Variants in CUX2 observed in about 807,000 individuals in gnomAD.
CUX2 encodes homeobox protein cut-like 2.
In CUX2, 40 loss-of-function variants were observed where a neutral mutation model predicts 144.8. That is an observed-to-expected ratio of 0.28 (90% CI 0.21 to 0.36). CUX2 has a LOEUF of 0.36. Ranked by LOEUF, CUX2 falls within the 10% of genes least tolerant of loss-of-function variation. The pLI is 1.00. For missense variants in CUX2, 1,615 were observed against 1,994.0 expected (o/e 0.81, Z 3.62); for synonymous variants, 827 against 875.6 (o/e 0.94, Z 0.98).
At chr12:111,074,502 G>T (rs1039975713) in intron 1 of CUX2, among the ~76,000 whole-genome samples, 1 of 152,040 alleles carries the variant, frequency 6.6e-6, no homozygotes, top group African/African-American at 2.4e-5. Flanking sequence ...AGTGAAGATA[G>T]AGGCTTGTCT....
chr12:111,178,597 G>T lies in CUX2; in HGVS notation c.64-35603G>T, dbSNP rs917435855. 6.6e-6 allele frequency among the ~76,000 whole-genome samples: 1 copy of T among 152,196 alleles called. No individual in the cohort carries two copies. Among genetic ancestry groups the T allele is most frequent in the Non-Finnish European group, 1.5e-5 (1 of 68,038 alleles). On this transcript the variant is annotated intron_variant, in intron 1 of 21. Transcript: ENST00000261726. The surrounding 1 kb of genome is among the most constrained non-coding windows in gnomAD (Gnocchi z 5.7). ...ATGGTCACGGGTGGGACACTGGGAGGGAGGGCAGGGGTCCCCACTTTGATC... is the reference window on the plus strand; with the variant it reads ...ATGGTCACGGGTGGGACACTGGGAGTGAGGGCAGGGGTCCCCACTTTGATC...
intron 1 of CUX2, among the ~76,000 whole-genome samples, chr12:111,075,258 A>G (rs1197721111): frequency 6.6e-6 from 1 of 152,232 alleles, no homozygotes; most frequent in African/African-American, 2.4e-5. Context: ...GCGCAGAGCC[A>G]CCGCAAAATT....
At chr12:111,265,165 G>A (rs1884317402) in intron 4 of CUX2, among the ~76,000 whole-genome samples, 1 of 152,062 alleles carries the variant, frequency 6.6e-6, no homozygotes, top group Non-Finnish European at 1.5e-5. Context: ...GGGGCCAAGA[G>A]TTCCTGGGAG....
At chr12:111,132,613 C>G (rs1416379654) in intron 1 of CUX2, among the ~76,000 whole-genome samples, 2 of 127,612 alleles carry the variant, frequency 1.6e-5, no homozygotes, top group Non-Finnish European at 3.1e-5. Context: ...GTCACCCAGG[C>G]TGGAGTGCAA....
At chr12:111,185,502 C>T (rs944750409) in intron 1 of CUX2, among the ~76,000 whole-genome samples, 1 of 152,216 alleles carries the variant, frequency 6.6e-6, no homozygotes, top group African/African-American at 2.4e-5. Flanking sequence ...AGCCAGCCTG[C>T]GCTTCACCCA....
chr12:111,305,509 A>G (rs564709278), intron 10 of CUX2, among the ~76,000 whole-genome samples: 1 of 152,222 alleles, frequency 6.6e-6, no homozygotes, highest in Admixed American at 6.5e-5. Context: ...CATCTGTACA[A>G]TTAACATCTA....
intron 15 of CUX2, 132 bp from the exon 16 acceptor site, chr12:111,311,968 T>C: frequency 1.6e-6 from 1 of 624,666 alleles, no homozygotes; most frequent in Non-Finnish European, 2.8e-6. Flanking sequence ...GACTAAGCAG[T>C]GGCCCTGCCA....
chr12:111,182,278 A>G (rs980933745), intron 1 of CUX2, among the ~76,000 whole-genome samples: 8 of 152,328 alleles, frequency 5.3e-5, no homozygotes, highest in Non-Finnish European at 8.8e-5. Context: ...GCACCACTTG[A>G]AATAATTAAT....
chr12:111,180,308 C>A (rs541546885), intron 1 of CUX2, among the ~76,000 whole-genome samples: 1 of 152,318 alleles, frequency 6.6e-6, no homozygotes, highest in African/African-American at 2.4e-5. Context: ...TTCCACTTCT[C>A]CAGCGCAGGA....
At position 111,291,383 on chromosome 12, in the gene CUX2, G is replaced by A. The variant is rs755481110; in HGVS notation, c.302-35G>A. On this transcript the variant is annotated intron_variant, in intron 4 of 21. Transcript: ENST00000261726. ...CAGCCCGGGTGTCCCTATCCATCAG[G>A]CCCTCACTATCCCTGTCTTTCTCTC... is the stretch of plus-strand genomic sequence containing the variant. 18 of 1,569,828 alleles carry A rather than the reference G, an allele frequency of 1.1e-5. No homozygotes were observed. In the South Asian group the frequency reaches 1.9e-4, roughly 17 times the overall value.
At chr12:111,278,572 C>T (rs1265566) in intron 4 of CUX2, among the ~76,000 whole-genome samples, 100,231 of 151,956 alleles carry the variant, frequency 0.66, 33,320 homozygotes, top group East Asian at 0.69. Context: ...AATTTCATCA[C>T]TTATCACACA....
rs1251343476 is a variant in CUX2, at chr12:111,217,840, G to C, written c.175-50G>C. The C allele has an allele frequency of 1.9e-6, 3 of 1,603,834 alleles. No homozygotes were observed. In the East Asian group the frequency reaches 6.7e-5, roughly 36 times the overall value. Reference sequence around the variant, plus strand: ...AGCGAGCTACAAGCAGGGGCCACGGGGGCGTCCCACCTGGCACTGTAGTGA... The same window carrying C: ...AGCGAGCTACAAGCAGGGGCCACGGCGGCGTCCCACCTGGCACTGTAGTGA... On this transcript the variant is annotated intron_variant, in intron 2 of 21. Transcript: ENST00000261726.
intron 1 of CUX2, among the ~76,000 whole-genome samples, chr12:111,109,179 C>T (rs967842771): frequency 6.6e-6 from 1 of 152,216 alleles, no homozygotes; most frequent in Non-Finnish European, 1.5e-5. Context: ...TTCTTCCTGT[C>T]CCTCTTTCTC....
intron 1 of CUX2, among the ~76,000 whole-genome samples, chr12:111,163,453 G>A (rs1457494432): frequency 1.3e-5 from 2 of 152,206 alleles, no homozygotes; most frequent in East Asian, 1.9e-4. Context: ...GAGCCTGGGG[G>A]AGAAAAGTGT....
rs573620066 is a variant in CUX2 at position 111,251,996 on chromosome 12, A to T, written c.223-11765A>T. Among the ~76,000 whole-genome samples, 53 of 152,260 alleles carry T rather than the reference A, an allele frequency of 3.5e-4. 1 individual carries two copies. The highest frequency in any genetic ancestry group is 1.3e-3 in the African/African-American group (53 of 41,548). On this transcript the variant is annotated intron_variant, in intron 3 of 21. Coordinates refer to ENST00000261726, the MANE Select transcript of CUX2 (RefSeq NM_015267.4). ...AGAGTTCAAGACCAGCCTGGGCAACATAGCAAGACCCCACCTCTACAAAAA... is the reference window on the plus strand; with the variant it reads ...AGAGTTCAAGACCAGCCTGGGCAACTTAGCAAGACCCCACCTCTACAAAAA...
intron 1 of CUX2, among the ~76,000 whole-genome samples, chr12:111,134,620 C>CTCTCTCTG (rs1026548098): frequency 6.3e-5 from 9 of 142,208 alleles, no homozygotes; most frequent in South Asian, 4.5e-4. Context: ...CTCTCTCTCT[C>CTCTCTCTG]TGTGTGTGTG....
rs369695847 is a variant in CUX2 at position 111,347,676 on chromosome 12, C to T, written c.3812C>T (p.Thr1271Ile). The T allele has an allele frequency of 6.4e-7, 1 of 1,560,802 alleles. No individual in the cohort carries two copies. Among genetic ancestry groups the T allele is most frequent in the Non-Finnish European group, 8.7e-7 (1 of 1,147,124 alleles). Reference protein sequence around the residue: ...PDSETEDQKPTVKELELQEGP... With the variant: ...PDSETEDQKPIVKELELQEGP... The stretch of plus-strand genomic sequence containing the variant: ...TCTGAGACTGAGGACCAGAAGCCAA[C>T]CGTGAAGGAACTGGAGCTTCAGGAG... The change falls in exon 22 of 22, where the codon ACC becomes ATC. Residue 1271 changes from threonine to isoleucine, a missense_variant. Around this residue, in one of 12 missense-constraint regions of CUX2, gnomAD observed 298 missense variants for 330.4 expected, o/e 0.90. Transcript: ENST00000261726.
intron 4 of CUX2, among the ~76,000 whole-genome samples, chr12:111,281,088 G>A (rs1885097130): frequency 6.6e-6 from 1 of 152,118 alleles, no homozygotes; most frequent in Non-Finnish European, 1.5e-5. Context: ...TTTTCACAGA[G>A]CAGCCAGATG....
intron 18 of CUX2, among the ~76,000 whole-genome samples, chr12:111,324,614 C>A (rs541540798): frequency 3.9e-5 from 6 of 152,136 alleles, no homozygotes; most frequent in African/African-American, 1.4e-4. Flanking sequence ...GATTCTCCTG[C>A]CTCAGCCTCC....
Sources: allele counts gnomAD v4.1 joint callset (sites outside exome capture counted in the v4.1 genomes callset), GRCh38; gene constraint gnomAD v4.1.1; regional missense constraint gnomAD v4.1.1; non-coding constraint Gnocchi (gnomAD v3.1); transcripts MANE v1.5; gene names NCBI Gene and HGNC (gene_info 2026-07-23, HGNC 2026-07-21).